Variants in MSRB3 observed in about 807,000 individuals in gnomAD.
The protein encoded by MSRB3 is methionine-R-sulfoxide reductase B3.
Under a neutral mutation model 21.0 loss-of-function variants are expected in MSRB3, and 13 were observed. The observed-to-expected ratio is 0.62, with a 90% CI of 0.40 to 0.98. MSRB3 has a LOEUF of 0.98. MSRB3 is among the 50% of genes least tolerant of loss of function. The pLI, the probability that MSRB3 is intolerant of heterozygous loss-of-function variation, is 0.00. For synonymous variants in MSRB3, 87 were observed against 88.6 expected (o/e 0.98, Z 0.10); for missense variants, 199 against 230.3 (o/e 0.86, Z 0.88).
intron 5 of MSRB3, among the ~76,000 whole-genome samples, chr12:65,379,168 T>TTCCA (rs58173378): frequency 0.03 from 4,422 of 148,414 alleles, 120 homozygotes; most frequent in African/African-American, 0.07. Context: ...TCAACCATCC[T>TTCCA]TCCATCCATC....
At chr12:65,314,930 C>T (rs1319046114) in intron 2 of MSRB3, among the ~76,000 whole-genome samples, 2 of 152,084 alleles carry the variant, frequency 1.3e-5, no homozygotes, top group African/African-American at 2.4e-5. Context: ...TAAACATATT[C>T]ACAATAATGT....
chr12:65,285,186 A>C (rs930587484), intron 1 of MSRB3: 2 of 152,218 alleles, frequency 1.3e-5, no homozygotes, highest in African/African-American at 4.8e-5. Flanking sequence ...AAAATGAAAA[A>C]TAATGATAAA....
chr12:65,303,116 C>A (rs1353385689), intron 1 of MSRB3, among the ~76,000 whole-genome samples: 1 of 151,948 alleles, frequency 6.6e-6, no homozygotes, highest in Admixed American at 6.6e-5. Context: ...TTGTGAAAAA[C>A]CACTGATGTA....
intron 6 of MSRB3, among the ~76,000 whole-genome samples, chr12:65,454,623 G>GGAAGTGAAAGTTCAGTGGTA (rs1883009602): frequency 6.6e-6 from 1 of 152,180 alleles, no homozygotes; most frequent in Non-Finnish European, 1.5e-5. Context: ...AGAGGCTGTA[G>GGAAGTGAAAGTTCAGTGGTA]GAAGTGAAAG....
intron 5 of MSRB3, among the ~76,000 whole-genome samples, chr12:65,393,547 C>A (rs369042678): frequency 1.4e-5 from 2 of 143,664 alleles, no homozygotes; most frequent in Non-Finnish European, 3.0e-5. Context: ...ACGAGAATGG[C>A]GTGAACCTGG....
chr12:65,328,422 A>G (rs1433787463), intron 3 of MSRB3, 104 bp from the exon 4 acceptor site: 1 of 801,338 alleles, frequency 1.2e-6, no homozygotes, highest in Non-Finnish European at 2.1e-6. Context: ...ATTCTAGTAC[A>G]AAAAGCCCTT....
At chr12:65,316,255 AG>A in intron 2 of MSRB3, 1 of 152,000 alleles carries the variant, frequency 6.6e-6, no homozygotes, top group Non-Finnish European at 1.5e-5. Context: ...CCTTCAGGTG[AG>A]GGTTATTGTA....
intron 5 of MSRB3, among the ~76,000 whole-genome samples, chr12:65,410,739 A>G (rs1038297211): frequency 3.9e-5 from 6 of 152,232 alleles, no homozygotes; most frequent in African/African-American, 1.4e-4. Context: ...ATAAAACAAT[A>G]GTGCCAACTT....
chr12:65,329,647 CA>C (rs11443001), intron 4 of MSRB3, among the ~76,000 whole-genome samples: 6,367 of 84,696 alleles, frequency 0.075, 382 homozygotes, highest in African/African-American at 0.22. Flanking sequence ...GATTCCGTCT[CA>C]AAAAAAAAAA....
chr12:65,282,462 T>C (rs7132313), intron 1 of MSRB3, among the ~76,000 whole-genome samples: 14,771 of 152,178 alleles, frequency 0.097, 1,935 homozygotes, highest in African/African-American at 0.29. Flanking sequence ...ATCGAACAAT[T>C]GACTTTATGA....
intron 5 of MSRB3, among the ~76,000 whole-genome samples, chr12:65,438,697 T>C (rs1882234363): frequency 6.6e-6 from 1 of 151,714 alleles, no homozygotes. Flanking sequence ...TTTATTTTAC[T>C]TGGGTGGGAG....
rs938927078 is a variant in MSRB3 at position 65,418,759 on chromosome 12, A to C, written c.293-34969A>C. The C allele has an allele frequency of 8.4e-6, 8 of 948,966 alleles. No individual in the cohort carries two copies. In the Admixed American group the frequency reaches 1.4e-4, roughly 16 times the overall value. The allele number at this position is 948,966 out of a possible 1,614,324, so 58.8% of individuals were successfully genotyped here. A position where few individuals can be genotyped will look rare whatever the true frequency, so the allele number is the denominator to read the frequency against. ...AACTTTGGTGTCATTGATCTCAGAC[A>C]CCACTTTGCCATCCACTGTCTGGCG... On this transcript the variant is annotated intron_variant, in intron 5 of 6. Transcript: ENST00000308259.
intron 1 of MSRB3, among the ~76,000 whole-genome samples, chr12:65,302,150 A>C (rs1301909589): frequency 6.6e-6 from 1 of 152,152 alleles, no homozygotes; most frequent in Non-Finnish European, 1.5e-5. Flanking sequence ...TAATAAGTAA[A>C]TATTGATATT....
intron 6 of MSRB3, among the ~76,000 whole-genome samples, chr12:65,460,815 T>C (rs1278411070): frequency 6.6e-6 from 1 of 151,720 alleles, no homozygotes; most frequent in East Asian, 1.9e-4. Context: ...AGAATACTAG[T>C]ACCAGATTAG....
intron 4 of MSRB3, among the ~76,000 whole-genome samples, chr12:65,340,456 A>G (rs1876063906): frequency 6.6e-6 from 1 of 152,318 alleles, no homozygotes; most frequent in East Asian, 1.9e-4. Context: ...ATTTTCTCAA[A>G]CTCACAAACT....
At position 65,436,663 on chromosome 12, in the gene MSRB3, A is replaced by G. The variant is rs146310140; in HGVS notation, c.293-17065A>G. On this transcript the variant is annotated intron_variant, in intron 5 of 6. Coordinates refer to ENST00000308259, the MANE Select transcript of MSRB3 (RefSeq NM_001031679.3). ...CATTACATAATGTTGTTTATTGAGA[A>G]GAAAATTTACAAAAATCATTAATCA... Among the ~76,000 whole-genome samples the G allele has an allele frequency of 1.6e-3, 239 of 152,050 alleles. 2 individuals are homozygous for G. Among genetic ancestry groups the G allele is most frequent in the Non-Finnish European group, 2.3e-3 (154 of 67,878 alleles).
intron 3 of MSRB3, 142 bp downstream of exon 3, chr12:65,327,076 A>T: frequency 1.4e-6 from 1 of 691,592 alleles, no homozygotes. Flanking sequence ...TGAAAAGGTT[A>T]AAATGGTGTT....
At chr12:65,360,039 T>C (rs1218367216) in intron 4 of MSRB3, among the ~76,000 whole-genome samples, 1 of 152,078 alleles carries the variant, frequency 6.6e-6, no homozygotes, top group East Asian at 1.9e-4. Context: ...GGCTTGTAGA[T>C]GGTTATCTTC....
intron 4 of MSRB3, among the ~76,000 whole-genome samples, chr12:65,330,476 A>G (rs184701369): frequency 2.8e-4 from 43 of 152,218 alleles, no homozygotes; most frequent in African/African-American, 9.6e-4. Context: ...TCCTTGCTGT[A>G]TCCTTCACTG....
Sources: allele counts gnomAD v4.1 joint callset (sites outside exome capture counted in the v4.1 genomes callset), GRCh38; gene constraint gnomAD v4.1.1; transcripts MANE v1.5; gene names NCBI Gene and HGNC (gene_info 2026-07-23, HGNC 2026-07-21).